Variants in PDE11A observed in about 807,000 individuals in gnomAD.
The protein encoded by PDE11A is phosphodiesterase 11A, also known as dual 3',5'-cyclic-AMP and -GMP phosphodiesterase 11A.
In PDE11A, 100 loss-of-function variants were observed where a neutral mutation model predicts 100.5. The observed-to-expected ratio is 1.00, with a 90% CI of 0.85 to 1.18. PDE11A has a LOEUF of 1.18. Ranked by LOEUF, PDE11A falls within the 50% of genes most tolerant of loss-of-function variation. PDE11A has a pLI of 0.00. For synonymous variants in PDE11A, 381 were observed against 420.8 expected (o/e 0.91, Z 1.16); for missense variants, 1,141 against 1,152.6 (o/e 0.99, Z 0.15).
In PDE11A at chr2:177,927,332, C is replaced by T. The variant is rs981551526; in HGVS notation, c.1072-22145G>A. On this transcript the variant is annotated intron_variant, in intron 2 of 19. Transcript: ENST00000286063. ...TAATGTAAACCTGCCACTTGTCGTA[C>T]TTATGTCAAATTAGCAAATACTTCC... Among the ~76,000 whole-genome samples, 4 of 152,188 alleles carry T rather than the reference C, an allele frequency of 2.6e-5. No homozygotes were observed. The South Asian group carries it at 6.2e-4, about 24-fold the overall frequency.
chr2:177,637,345 C>A (rs997541626), intron 19 of PDE11A, among the ~76,000 whole-genome samples: 5 of 152,148 alleles, frequency 3.3e-5, no homozygotes, highest in African/African-American at 1.2e-4. Flanking sequence ...ACTCAGCTCA[C>A]ATTCTGTCTT....
chr2:177,715,163 T>C (rs926698968), intron 12 of PDE11A, among the ~76,000 whole-genome samples: 1 of 152,264 alleles, frequency 6.6e-6, no homozygotes, highest in Non-Finnish European at 1.5e-5. Flanking sequence ...TATTCTATTC[T>C]CGTACTCAGT....
intron 2 of PDE11A, among the ~76,000 whole-genome samples, 155 bp from the exon 3 acceptor site, chr2:177,905,342 ACTT>A (rs770681916): frequency 9.9e-5 from 15 of 152,210 alleles, no homozygotes; most frequent in Non-Finnish European, 1.6e-4. Context: ...TAGTATTTTA[ACTT>A]CATTATGAAT....
chr2:177,665,676 C>T (rs1344123954), intron 18 of PDE11A, among the ~76,000 whole-genome samples: 3 of 150,764 alleles, frequency 2.0e-5, no homozygotes, highest in East Asian at 3.9e-4. Context: ...GCCAACATGG[C>T]GAAACCCTGT....
At chr2:177,674,122 A>T (rs185996738) in intron 17 of PDE11A, among the ~76,000 whole-genome samples, 4 of 152,330 alleles carry the variant, frequency 2.6e-5, no homozygotes, top group Admixed American at 2.6e-4. Flanking sequence ...CACTGCTAAG[A>T]ATGAAAGCTT....
chr2:177,819,421 GA>G (rs921693322), intron 7 of PDE11A, among the ~76,000 whole-genome samples: 2 of 151,806 alleles, frequency 1.3e-5, no homozygotes, highest in African/African-American at 4.8e-5. Flanking sequence ...CGTCTCTTAG[GA>G]AAAAAAGTCA....
chr2:177,695,576 C>T (rs1559147100), intron 15 of PDE11A, among the ~76,000 whole-genome samples: 1 of 152,164 alleles, frequency 6.6e-6, no homozygotes, highest in Non-Finnish European at 1.5e-5. Context: ...AATCCAGAGA[C>T]TGGTTCCACT....
chr2:177,898,318 T>A, intron 3 of PDE11A, 120 bp from the exon 4 acceptor site: 1 of 689,276 alleles, frequency 1.5e-6, no homozygotes, highest in South Asian at 1.8e-5. Context: ...GTAGCTAATT[T>A]TAAAAAATTT....
intron 4 of PDE11A, among the ~76,000 whole-genome samples, chr2:177,881,014 A>T (rs2084324438): frequency 6.6e-6 from 1 of 152,186 alleles, no homozygotes. Context: ...TCTGGAAGAG[A>T]TTAGCATTCG....
intron 2 of PDE11A, among the ~76,000 whole-genome samples, chr2:177,953,948 A>C (rs75850206): frequency 0.011 from 1,690 of 152,220 alleles, 30 homozygotes; most frequent in African/African-American, 0.038. Context: ...GAAAAATCTG[A>C]ATATGTAATT....
chr2:177,992,984 T>C (rs1451155072), intron 2 of PDE11A, among the ~76,000 whole-genome samples: 1 of 152,148 alleles, frequency 6.6e-6, no homozygotes, highest in East Asian at 1.9e-4. Context: ...AGCAGAAACA[T>C]GGTACACTCC....
chr2:177,901,256 A>AT (rs529919151), intron 3 of PDE11A, among the ~76,000 whole-genome samples: 1 of 151,016 alleles, frequency 6.6e-6, no homozygotes, highest in Non-Finnish European at 1.5e-5. Flanking sequence ...GACCCCCCCC[A>AT]TCCATGAGCT....
chr2:177,724,508 A>C (rs988279812), intron 12 of PDE11A, among the ~76,000 whole-genome samples: 3 of 152,124 alleles, frequency 2.0e-5, no homozygotes, highest in African/African-American at 7.2e-5. Flanking sequence ...CGTGGTGCCA[A>C]AATTTGTTCA....
chr2:178,080,304 T>C (rs2087267486), intron 2 of PDE11A, among the ~76,000 whole-genome samples: 1 of 152,194 alleles, frequency 6.6e-6, no homozygotes. Flanking sequence ...CTTTAAAACA[T>C]CTTGGGTTAA....
At chr2:177,930,642 G>C (rs2085192903) in intron 2 of PDE11A, among the ~76,000 whole-genome samples, 1 of 152,204 alleles carries the variant, frequency 6.6e-6, no homozygotes, top group African/African-American at 2.4e-5. Flanking sequence ...GAAAGGATAA[G>C]AAATCTCATC....
At chr2:177,961,288 A>C (rs1248656814) in intron 2 of PDE11A, among the ~76,000 whole-genome samples, 2 of 151,698 alleles carry the variant, frequency 1.3e-5, no homozygotes, top group Non-Finnish European at 2.9e-5. Context: ...TGAGAATCTC[A>C]CCTAAGGCAT....
chr2:177,982,137 A>G (rs1360919151), intron 2 of PDE11A, among the ~76,000 whole-genome samples: 2 of 151,012 alleles, frequency 1.3e-5, no homozygotes, highest in South Asian at 2.1e-4. Flanking sequence ...TGGAACTTCA[A>G]TGAATATAAA....
At chr2:178,076,530 T>G (rs1299538759), upstream of PDE11A, among the ~76,000 whole-genome samples, 1 of 152,154 alleles carries the variant, frequency 6.6e-6, no homozygotes, top group East Asian at 1.9e-4. Flanking sequence ...CAGGCCAACC[T>G]CTGATCTCAT....
At chr2:178,064,588 T>C (rs947480040) in intron 1 of PDE11A, among the ~76,000 whole-genome samples, 1 of 152,008 alleles carries the variant, frequency 6.6e-6, no homozygotes, top group Admixed American at 6.6e-5. Context: ...TCAAAGTTAG[T>C]ACTCCATAAA....
Sources: gnomAD v4.1 joint callset for allele counts (sites outside exome capture counted in the v4.1 genomes callset) on GRCh38, gnomAD v4.1.1 for gene constraint, MANE v1.5 for transcripts, NCBI Gene and HGNC (gene_info 2026-07-23, HGNC 2026-07-21) for gene names.